MYOM3: variants seen among roughly 807,000 people sequenced by gnomAD.
MYOM3 encodes myomesin-3.
MYOM3 carries 155 observed loss-of-function variants against 191.7 expected under a neutral mutation model. That is an observed-to-expected ratio of 0.81 (90% CI 0.71 to 0.92). MYOM3 has a LOEUF of 0.92. Ranked by LOEUF, MYOM3 falls within the 40% of genes least tolerant of loss-of-function variation. The probability of loss-of-function intolerance (pLI) is 0.00; values close to 1 mark genes in which losing one functional copy is unlikely to be tolerated. For synonymous variants in MYOM3, 757 were observed against 762.9 expected, an observed-to-expected ratio of 0.99 and a Z score of 0.13; for missense variants, 1,889 against 1,890.6, an observed-to-expected ratio of 1.00 and a Z score of 0.02.
In MYOM3 at chr1:24,057,090, T is replaced by A. The variant is rs57354202; in HGVS notation, c.*274A>T. On this transcript the variant is annotated 3_prime_UTR_variant, in exon 37 of 37. Coordinates refer to ENST00000374434, the MANE Select transcript of MYOM3 (RefSeq NM_152372.4). ...GCGTACCTGACCTCTACCTATCAGA[T>A]GCCAGTACTGTTAGATAGCCCCAGT... The A allele has an allele frequency of 6.5e-3, 3,242 of 499,112 alleles. 75 individuals are homozygous for A. The highest frequency in any genetic ancestry group is 0.054 in the African/African-American group (2,822 of 52,322). 30.9% of individuals were successfully genotyped at this position (499,112 alleles called of 1,614,324 possible). A position where few individuals can be genotyped will look rare whatever the true frequency, so the allele number is the denominator to read the frequency against.
chr1:24,076,415 C>G (rs1245761402), intron 20 of MYOM3, 142 bp from the exon 21 acceptor site: 1 of 627,344 alleles, frequency 1.6e-6, no homozygotes, highest in East Asian at 2.8e-5. Flanking sequence ...ACAAAGATGG[C>G]CATTCAACAC....
intron 19 of MYOM3, 152 bp from the exon 20 acceptor site, chr1:24,080,346 C>T (rs959036009): frequency 1.8e-5 from 11 of 618,296 alleles, no homozygotes; most frequent in African/African-American, 5.7e-5. Context: ...TCGCCAAGCC[C>T]GGGCCAACCT....
intron 36 of MYOM3, 63 bp downstream of exon 36, chr1:24,058,861 G>T: frequency 8.3e-7 from 1 of 1,199,878 alleles, no homozygotes; most frequent in Non-Finnish European, 1.2e-6. Flanking sequence ...TTCGTGATCT[G>T]TGGTGGATGC....
At chr1:24,071,493 A>G (rs1221916944) in intron 24 of MYOM3, among the ~76,000 whole-genome samples, 1 of 152,206 alleles carries the variant, frequency 6.6e-6, no homozygotes, top group African/African-American at 2.4e-5. Context: ...TCAACCTGGC[A>G]GGGCATTGGA....
At chr1:24,103,154 C>T (rs1467038014) in intron 5 of MYOM3, among the ~76,000 whole-genome samples, 1 of 152,236 alleles carries the variant, frequency 6.6e-6, no homozygotes, top group Non-Finnish European at 1.5e-5. Flanking sequence ...CCAAGAATGC[C>T]TTCAATGTGG....
Position 24,063,955 on chromosome 1 carries a change from T to C in MYOM3, c.3622+117A>G. The stretch of plus-strand genomic sequence containing the variant: ...ATCTTGGGCAAGTTACTTAATCTCT[T>C]TGTGCCTCAATTTCTCCAAGTGACA... On this transcript the variant is annotated intron_variant, in intron 30 of 36. Coordinates refer to ENST00000374434, the MANE Select transcript of MYOM3 (RefSeq NM_152372.4). The surrounding 1 kb of genome is among the most constrained non-coding windows in gnomAD (Gnocchi z 4.5). 1 of 815,516 alleles carries C rather than the reference T, an allele frequency of 1.2e-6. No homozygotes were observed. The highest frequency in any genetic ancestry group is 1.7e-5 in the South Asian group (1 of 60,036). The allele number at this position is 815,516 out of a possible 1,614,324, so 50.5% of individuals were successfully genotyped here. A position where few individuals can be genotyped will look rare whatever the true frequency, so the allele number is the denominator to read the frequency against.
In MYOM3 at chr1:24,082,132, C is replaced by G. The variant is rs200689339; in HGVS notation, c.2149G>C (p.Val717Leu). 6.2e-7 allele frequency: 1 copy of G among 1,613,726 alleles called. No individual in the cohort carries two copies. Among genetic ancestry groups the G allele is most frequent in the Non-Finnish European group, 8.5e-7 (1 of 1,179,904 alleles). ...CGCTTGGGGGGTTTCCACCCAATGA[C>G]CATTTCATTCTTCCCGCAGTTCAGG... is the stretch of plus-strand genomic sequence containing the variant. ...ALLNCGKNEMVIGWKPPKRRG... is the reference protein window; with the variant it reads ...ALLNCGKNEMLIGWKPPKRRG... The change falls in exon 18 of 37, where the codon GTC becomes CTC. Residue 717 changes from valine (V) to leucine (L), a missense_variant. Transcript: ENST00000374434.
intron 25 of MYOM3, among the ~76,000 whole-genome samples, chr1:24,069,803 G>A (rs142820821): frequency 0.017 from 2,629 of 152,076 alleles, 72 homozygotes; most frequent in African/African-American, 0.06. Context: ...TAGAGATGGG[G>A]TTTCATCATG....
rs760648542 is a variant in MYOM3 at position 24,071,203 on chromosome 1, C to T, written c.3064G>A (p.Val1022Met). 4 of 1,614,058 alleles carry T rather than the reference C, an allele frequency of 2.5e-6. No homozygotes were observed. Among genetic ancestry groups the T allele is most frequent in the Non-Finnish European group, 3.4e-6 (4 of 1,179,972 alleles). The change falls in exon 25 of 37, where the codon GTG becomes ATG. Residue 1022 changes from valine (V) to methionine (M), a missense_variant. Coordinates refer to ENST00000374434, the MANE Select transcript of MYOM3 (RefSeq NM_152372.4). ...WNIDILERGE[V>M]RLWLEVEKLS... ...TTTTCTACTTCCAGCCAAAGCCGCA[C>T]CTCCCCTCGCTCCAGGATGTCAATG...
chr1:24,061,420 C>T (rs1643368593), intron 33 of MYOM3, 111 bp from the exon 34 acceptor site: 4 of 1,076,684 alleles, frequency 3.7e-6, no homozygotes, highest in Admixed American at 4.0e-5. Flanking sequence ...CCACTCTCCT[C>T]CCCATGCCGA....
intron 9 of MYOM3, among the ~76,000 whole-genome samples, chr1:24,094,627 C>T (rs1358716405): frequency 6.6e-6 from 1 of 152,172 alleles, no homozygotes; most frequent in African/African-American, 2.4e-5. Context: ...TTACCCCAGC[C>T]CTAACCCAGG....
chr1:24,092,322 C>G lies in MYOM3; in HGVS notation c.1091-7G>C, dbSNP rs766296349. 3 of 1,349,142 alleles carry G rather than the reference C, an allele frequency of 2.2e-6. No individual in the cohort carries two copies. The African/African-American group carries it at 4.5e-5, about 20-fold the overall frequency. The allele number at this position is 1,349,142 out of a possible 1,614,324, so 83.6% of individuals were successfully genotyped here. On this transcript the variant is annotated splice_region_variant and splice_polypyrimidine_tract_variant and intron_variant, in intron 10 of 36. Transcript: ENST00000374434. ...GGGTTCTCGGCCTCGGCATCTGAAACCCGGGGGTGAGAGGGAGGCCCTTCT... is the reference window on the plus strand; with the variant it reads ...GGGTTCTCGGCCTCGGCATCTGAAAGCCGGGGGTGAGAGGGAGGCCCTTCT...
chr1:24,110,307 G>A (rs569558513), intron 1 of MYOM3, among the ~76,000 whole-genome samples: 1 of 151,980 alleles, frequency 6.6e-6, no homozygotes, highest in Non-Finnish European at 1.5e-5. Flanking sequence ...TCTGGCCCCT[G>A]CCTCTCTAGA....
chr1:24,072,048 G>A, intron 23 of MYOM3, 35 bp from the exon 24 acceptor site: 1 of 1,608,574 alleles, frequency 6.2e-7, no homozygotes, highest in Non-Finnish European at 8.5e-7. Context: ...AAACCAGAGA[G>A]AATGAAATAT....
At position 24,106,024 on chromosome 1, in the gene MYOM3, G is replaced by A. The variant is rs368906169; in HGVS notation, c.456C>T (p.Arg152=). 1.7e-5 allele frequency: 28 copies of A among 1,613,708 alleles called. 1 individual carries two copies. The highest frequency in any genetic ancestry group is 1.2e-4 in the South Asian group (11 of 91,072). The change falls in exon 5 of 37, where the codon CGC becomes CGT. Residue 152 remains arginine (R), a synonymous_variant. Coordinates refer to ENST00000374434, the MANE Select transcript of MYOM3 (RefSeq NM_152372.4). ...GAAGAGGGATCCAGAACCAGGGCCC[G>A]CGGCCGTAGCACAGCTCCCTCAGCT... ...AKELRELCYG[R]GPWFWIPLRS...
At chr1:24,097,191 T>C (rs543887393) in intron 7 of MYOM3, among the ~76,000 whole-genome samples, 2 of 152,134 alleles carry the variant, frequency 1.3e-5, no homozygotes, top group South Asian at 4.2e-4. Context: ...GTTGCTGGGG[T>C]TTGGCTTTTG....
chr1:24,111,706 A>G lies in MYOM3; in HGVS notation c.-19+325T>C, dbSNP rs1644039380. ...GGCTCCCGCTTATCGCTGCTCCATC[A>G]CAGGAAAGACTCCAGTTCCCAGGGC... On this transcript the variant is annotated intron_variant, in intron 1 of 36. Coordinates refer to ENST00000374434, the MANE Select transcript of MYOM3 (RefSeq NM_152372.4). The surrounding 1 kb of genome is among the most constrained non-coding windows in gnomAD (Gnocchi z 4.7). Among the ~76,000 whole-genome samples, 1 of 150,618 alleles carries G rather than the reference A, an allele frequency of 6.6e-6. No homozygotes were observed. Among genetic ancestry groups the G allele is most frequent in the Admixed American group, 6.6e-5 (1 of 15,178 alleles).
At chr1:24,075,261 C>A in intron 22 of MYOM3, 58 bp downstream of exon 22, 2 of 1,574,756 alleles carry the variant, frequency 1.3e-6, no homozygotes, top group Non-Finnish European at 1.7e-6. Flanking sequence ...CCCCTGCCAG[C>A]TCCTCTGACA....
Position 24,108,027 on chromosome 1 carries a change from C to T in MYOM3, c.208G>A (p.Ala70Thr). 1.2e-6 allele frequency: 2 copies of T among 1,613,800 alleles called. No individual in the cohort carries two copies. Among genetic ancestry groups the T allele is most frequent in the Non-Finnish European group, 1.7e-6 (2 of 1,179,878 alleles). ...FSAADYALAA[A>T]LALTASSELS... Reference sequence around the variant, plus strand: ...TCGGAGGAGGCCGTCAGAGCCAGGGCTGCTGCCAGGGCGTAGTCCGCGGCG... The same window carrying T: ...TCGGAGGAGGCCGTCAGAGCCAGGGTTGCTGCCAGGGCGTAGTCCGCGGCG... Residue 70 changes from alanine to threonine, a missense_variant, in exon 3 of 37, where the codon GCC becomes ACC. Ala to Thr is a moderately conservative substitution (Grantham distance 58). Transcript: ENST00000374434.
Sources: allele counts gnomAD v4.1 joint callset (sites outside exome capture counted in the v4.1 genomes callset), GRCh38; gene constraint gnomAD v4.1.1; non-coding constraint Gnocchi (gnomAD v3.1); transcripts MANE v1.5; gene names NCBI Gene and HGNC (gene_info 2026-07-23, HGNC 2026-07-21).